MYLK: variants seen among roughly 807,000 people sequenced by gnomAD.
MYLK encodes the protein myosin light chain kinase, smooth muscle.
MYLK carries 106 observed loss-of-function variants against 203.4 expected under a neutral mutation model. The observed-to-expected ratio is 0.52, with a 90% CI of 0.45 to 0.61. MYLK has a LOEUF of 0.61. MYLK is among the 20% of genes least tolerant of loss of function. The pLI, the probability that MYLK is intolerant of heterozygous loss-of-function variation, is 0.00. For missense variants in MYLK, 2,072 were observed against 2,442.3 expected (o/e 0.85, Z 3.20); for synonymous variants, 867 against 959.5 (o/e 0.90, Z 1.78).
chr3:123,704,887 T>A (rs2061399127), intron 16 of MYLK, among the ~76,000 whole-genome samples: 1 of 151,948 alleles, frequency 6.6e-6, no homozygotes, highest in African/African-American at 2.4e-5. Context: ...GCCACTGCAC[T>A]CCAGCCTGGG....
chr3:123,769,991 T>C (rs994687731), intron 4 of MYLK, among the ~76,000 whole-genome samples: 2 of 152,112 alleles, frequency 1.3e-5, no homozygotes, highest in African/African-American at 2.4e-5. Context: ...AGTATACATA[T>C]TGGCTGATAG....
intron 4 of MYLK, among the ~76,000 whole-genome samples, chr3:123,758,828 CT>C (rs775465877): frequency 8.3e-4 from 127 of 152,212 alleles, no homozygotes; most frequent in Non-Finnish European, 1.6e-3. Context: ...TTCTTTCTTT[CT>C]TTCTTTTTTT....
chr3:123,809,503 G>A (rs2065481366), intron 3 of MYLK, among the ~76,000 whole-genome samples: 1 of 152,154 alleles, frequency 6.6e-6, no homozygotes, highest in Admixed American at 6.5e-5. Flanking sequence ...TCCAGCCTGG[G>A]CAACAAGAGT....
chr3:123,625,797 A>G, intron 31 of MYLK, among the ~76,000 whole-genome samples: 1 of 137,088 alleles, frequency 7.3e-6, no homozygotes, highest in Admixed American at 7.3e-5. Context: ...ACAGAGCGAG[A>G]CTCCATCTCA....
rs528165593 is a variant in MYLK at position 123,737,372 on chromosome 3, C to T, written c.754+6G>A. The T allele has an allele frequency of 2.5e-5, 41 of 1,614,094 alleles. No homozygotes were observed. The highest frequency in any genetic ancestry group is 3.1e-5 in the Non-Finnish European group (37 of 1,180,024). On this transcript the variant is annotated splice_donor_region_variant and intron_variant, in intron 8 of 33. Transcript: ENST00000360304. ...CGTTCTGCACTAGCCGTCCACTGGT[C>T]GATACCTTGGATGGAAAGTTCAGCT...
chr3:123,847,979 C>A (rs1199383306), intron 2 of MYLK, among the ~76,000 whole-genome samples: 2 of 151,962 alleles, frequency 1.3e-5, no homozygotes, highest in East Asian at 3.9e-4. Flanking sequence ...TGGAGTTCTA[C>A]ATGCAAAAAA....
intron 20 of MYLK, among the ~76,000 whole-genome samples, chr3:123,671,877 C>T (rs1324491220): frequency 6.6e-6 from 1 of 152,072 alleles, no homozygotes; most frequent in Non-Finnish European, 1.5e-5. Context: ...CACAAAGGCC[C>T]TGCCCCTCTT....
chr3:123,665,104 G>A (rs1243584553), intron 22 of MYLK, among the ~76,000 whole-genome samples: 1 of 152,172 alleles, frequency 6.6e-6, no homozygotes, highest in East Asian at 1.9e-4. Flanking sequence ...CTTCAAGAGG[G>A]TGAATTTTAT....
intron 10 of MYLK, 134 bp from the exon 11 acceptor site, chr3:123,733,236 T>C: frequency 1.0e-6 from 1 of 988,036 alleles, no homozygotes. Flanking sequence ...CCTCTGAGTC[T>C]GCTTCCTCAC....
At position 123,738,360 on chromosome 3, in the gene MYLK, G is replaced by A. The variant is rs2062748661; in HGVS notation, c.588+537C>T. On this transcript the variant is annotated intron_variant, in intron 7 of 33. Transcript: ENST00000360304. ...CACTGTGGTCTGAGTAACAGAGGGA[G>A]AGTTGTAATAGGGACAGGAACATGC... Among the ~76,000 whole-genome samples the A allele has an allele frequency of 3.9e-5, 6 of 152,138 alleles. No individual in the cohort carries two copies. The South Asian group carries it at 1.0e-3, about 26-fold the overall frequency.
At chr3:123,693,050 C>T (rs1329625695) in intron 18 of MYLK, among the ~76,000 whole-genome samples, 199 bp from the exon 19 acceptor site, 1 of 152,114 alleles carries the variant, frequency 6.6e-6, no homozygotes, top group African/African-American at 2.4e-5. Flanking sequence ...ATAACTGATC[C>T]CTAAATACGT....
chr3:123,863,758 T>C (rs993677575), intron 2 of MYLK, among the ~76,000 whole-genome samples: 1 of 152,110 alleles, frequency 6.6e-6, no homozygotes, highest in Non-Finnish European at 1.5e-5. Flanking sequence ...ATTGGAAATA[T>C]AGGTGTATAA....
chr3:123,645,323 G>A (rs976516499), intron 27 of MYLK, among the ~76,000 whole-genome samples: 5 of 152,156 alleles, frequency 3.3e-5, no homozygotes, highest in African/African-American at 9.7e-5. Context: ...GCCTACACTC[G>A]GAACTACTAT....
intron 19 of MYLK, among the ~76,000 whole-genome samples, chr3:123,684,856 C>T (rs2060396875): frequency 6.6e-6 from 1 of 152,222 alleles, no homozygotes; most frequent in Non-Finnish European, 1.5e-5. Context: ...AAGAGGAGTA[C>T]AGGGCAGACT....
intron 4 of MYLK, among the ~76,000 whole-genome samples, chr3:123,792,450 C>G (rs1267244076): frequency 6.6e-6 from 1 of 152,204 alleles, no homozygotes; most frequent in Non-Finnish European, 1.5e-5. Flanking sequence ...CCCCATCTCT[C>G]TTCCCCCCAG....
At chr3:123,824,866 A>T (rs1307915519) in intron 3 of MYLK, among the ~76,000 whole-genome samples, 1 of 152,166 alleles carries the variant, frequency 6.6e-6, no homozygotes. Context: ...GGAATTCATA[A>T]GGCTGGGTTC....
chr3:123,721,324 T>G (rs820350), intron 13 of MYLK, among the ~76,000 whole-genome samples: 1 of 142,816 alleles, frequency 7.0e-6, no homozygotes, highest in African/African-American at 2.5e-5. Flanking sequence ...GACCCAGTCA[T>G]GCACAGGAGC....
chr3:123,701,267 C>T (rs909653601), intron 17 of MYLK, among the ~76,000 whole-genome samples, 171 bp downstream of exon 17: 5 of 151,672 alleles, frequency 3.3e-5, no homozygotes, highest in African/African-American at 1.2e-4. Flanking sequence ...ATCACCCCCT[C>T]CTTCCCCTGC....
chr3:123,753,952 G>C (rs150509919), intron 4 of MYLK, among the ~76,000 whole-genome samples: 2 of 152,152 alleles, frequency 1.3e-5, no homozygotes, highest in Non-Finnish European at 2.9e-5. Context: ...ACAAAGAAAG[G>C]CTTCACTGAT....
Sources: allele counts gnomAD v4.1 joint callset (sites outside exome capture counted in the v4.1 genomes callset), GRCh38; gene constraint gnomAD v4.1.1; transcripts MANE v1.5; gene names NCBI Gene and HGNC (gene_info 2026-07-23, HGNC 2026-07-21).